The following AFF1 variants were observed in gnomAD, a reference collection of about 807,000 sequenced individuals.
AFF1 encodes AF4/FMR2 family member 1.
In AFF1, 48 loss-of-function variants were observed where a neutral mutation model predicts 121.7. The ratio of observed to expected loss-of-function variants is 0.39; its 90% CI spans 0.31 to 0.50. AFF1 has a LOEUF of 0.50. Among genes scored for constraint, AFF1 ranks in the 20% least tolerant of loss-of-function variants. The pLI is 0.76. For missense variants in AFF1, 1,523 were observed against 1,511.7 expected (o/e 1.01, Z -0.12); for synonymous variants, 613 against 563.0 (o/e 1.09, Z -1.26).
chr4:87,074,541 G>T (rs115991168), intron 4 of AFF1, among the ~76,000 whole-genome samples: 46 of 152,326 alleles, frequency 3.0e-4, no homozygotes, highest in African/African-American at 1.1e-3. Flanking sequence ...TCAAACAGTG[G>T]TAAGTTTTTT....
At chr4:87,037,226 A>G (rs921560843) in intron 2 of AFF1, among the ~76,000 whole-genome samples, 1 of 152,184 alleles carries the variant, frequency 6.6e-6, no homozygotes, top group African/African-American at 2.4e-5. Flanking sequence ...TCATTGTGAA[A>G]AGAATTTAAA....
intron 12 of AFF1, among the ~76,000 whole-genome samples, chr4:87,120,613 A>C (rs1727590713): frequency 6.6e-6 from 1 of 152,332 alleles, no homozygotes; most frequent in Middle Eastern, 3.4e-3. Flanking sequence ...CAAGAGGCGC[A>C]CAAGGTCGGC....
chr4:87,054,715 A>G (rs769330835), intron 4 of AFF1, among the ~76,000 whole-genome samples: 1 of 152,202 alleles, frequency 6.6e-6, no homozygotes, highest in South Asian at 2.1e-4. Context: ...AGCATGAAGA[A>G]TAAGTCACCT....
At chr4:86,967,005 C>G (rs184143905) in intron 2 of AFF1, among the ~76,000 whole-genome samples, 1 of 152,326 alleles carries the variant, frequency 6.6e-6, no homozygotes, top group Admixed American at 6.5e-5. Context: ...TAGAAGATCT[C>G]TCAATTCCAT....
chr4:87,044,058 C>T (rs979409157), intron 2 of AFF1, among the ~76,000 whole-genome samples: 2 of 152,098 alleles, frequency 1.3e-5, no homozygotes, highest in African/African-American at 4.8e-5. Flanking sequence ...CCTCGTGATC[C>T]ACCTGCCTTG....
intron 2 of AFF1, among the ~76,000 whole-genome samples, chr4:87,022,584 C>CACA (rs1728073100): frequency 8.9e-6 from 1 of 112,432 alleles, no homozygotes; most frequent in African/African-American, 3.1e-5. Context: ...ATATATATAT[C>CACA]TATCTATATC....
At chr4:87,006,894 G>A (rs1726186511) in intron 2 of AFF1, 2 of 942,058 alleles carry the variant, frequency 2.1e-6, no homozygotes, top group Non-Finnish European at 2.6e-6. Flanking sequence ...GGGCCGCCGA[G>A]CGCCCTGCCC....
At chr4:86,994,434 G>T (rs1036673778) in intron 2 of AFF1, among the ~76,000 whole-genome samples, 1 of 152,242 alleles carries the variant, frequency 6.6e-6, no homozygotes, top group Non-Finnish European at 1.5e-5. Context: ...AGAGTCCACT[G>T]ATTGTGTAAT....
Position 87,115,625 on chromosome 4 carries a change from T to C in AFF1, c.2466+326T>C, listed in dbSNP as rs74328908. Among the ~76,000 whole-genome samples, 707 of 102,778 alleles carry C rather than the reference T, an allele frequency of 6.9e-3. 19 individuals carry two copies. The highest frequency in any genetic ancestry group is 0.02 in the Middle Eastern group (3 of 150). 67.4% of individuals were successfully genotyped at this position (102,778 alleles called of 152,430 possible). On this transcript the variant is annotated intron_variant, in intron 12 of 20. Coordinates refer to ENST00000395146, the MANE Select transcript of AFF1 (RefSeq NM_001166693.3). ...AACCCACCTCTTTTTTTTTTTTTTT[T>C]CCAAAGACAGGCCCTTGCTCTGTTG...
chr4:87,118,104 A>G (rs1217862523), intron 12 of AFF1, among the ~76,000 whole-genome samples: 1 of 152,240 alleles, frequency 6.6e-6, no homozygotes, highest in Admixed American at 6.5e-5. Flanking sequence ...CCTTCACATT[A>G]GTGGTATTTA....
At chr4:86,939,147 G>A (rs1454977391) in intron 1 of AFF1, among the ~76,000 whole-genome samples, 3 of 152,148 alleles carry the variant, frequency 2.0e-5, no homozygotes, top group African/African-American at 7.2e-5. Flanking sequence ...GGCCTGTGCA[G>A]GTGGAACTTA....
At chr4:87,111,890 G>A (rs906792283) in intron 11 of AFF1, among the ~76,000 whole-genome samples, 3 of 152,154 alleles carry the variant, frequency 2.0e-5, no homozygotes, top group Admixed American at 1.3e-4. Context: ...TAATCAGGAC[G>A]TTCCTTTAGG....
intron 11 of AFF1, among the ~76,000 whole-genome samples, chr4:87,112,700 C>T (rs1726663273): frequency 6.6e-6 from 1 of 152,228 alleles, no homozygotes; most frequent in African/African-American, 2.4e-5. Context: ...CCCCTTAAAA[C>T]CTTTCCATCT....
At chr4:87,045,941 T>C (rs1199912752) in intron 2 of AFF1, among the ~76,000 whole-genome samples, 3 of 152,126 alleles carry the variant, frequency 2.0e-5, no homozygotes, top group Non-Finnish European at 2.9e-5. Context: ...GAGTGAATGC[T>C]TGGGTTTTGG....
chr4:86,945,319 CTTT>C (rs72025655), intron 1 of AFF1, among the ~76,000 whole-genome samples: 6 of 111,690 alleles, frequency 5.4e-5, no homozygotes, highest in African/African-American at 1.7e-4. Context: ...TTTTCTTTTC[CTTT>C]TTTTTTTTTT....
chr4:87,033,756 G>GAAC (rs1729286205), intron 2 of AFF1, among the ~76,000 whole-genome samples: 1 of 151,942 alleles, frequency 6.6e-6, no homozygotes, highest in East Asian at 1.9e-4. Flanking sequence ...TTGAAAATTT[G>GAAC]ATGTTTTAAT....
chr4:87,035,952 A>G (rs200403388), intron 2 of AFF1, among the ~76,000 whole-genome samples: 2 of 152,114 alleles, frequency 1.3e-5, no homozygotes, highest in African/African-American at 4.8e-5. Context: ...CAGGTATGAG[A>G]TGTGGTCCTT....
chr4:87,021,693 G>T (rs1252949481), intron 2 of AFF1, among the ~76,000 whole-genome samples: 1 of 152,176 alleles, frequency 6.6e-6, no homozygotes, highest in African/African-American at 2.4e-5. Context: ...CTGAATCTCA[G>T]TAATTTGTCT....
chr4:87,078,181 CAGT>C (rs1453924225), intron 4 of AFF1, among the ~76,000 whole-genome samples: 4 of 152,148 alleles, frequency 2.6e-5, no homozygotes, highest in African/African-American at 7.2e-5. Flanking sequence ...AGTAGTTTCT[CAGT>C]AGTTGTAATG....
Sources: allele counts gnomAD v4.1 joint callset (sites outside exome capture counted in the v4.1 genomes callset), GRCh38; gene constraint gnomAD v4.1.1; transcripts MANE v1.5; gene names NCBI Gene and HGNC (gene_info 2026-07-23, HGNC 2026-07-21).